The following DHX29 variants were observed in gnomAD, a reference collection of about 807,000 sequenced individuals.
DHX29 encodes ATP-dependent RNA helicase DHX29.
DHX29 carries 79 observed loss-of-function variants against 167.9 expected under a neutral mutation model. The observed-to-expected ratio is 0.47, with a 90% CI of 0.39 to 0.57. DHX29 has a LOEUF of 0.57. Among genes scored for constraint, DHX29 ranks in the 20% least tolerant of loss-of-function variants. The pLI is 0.00. For missense variants in DHX29, 1,347 were observed against 1,593.4 expected, an observed-to-expected ratio of 0.85 and a Z score of 2.63; for synonymous variants, 530 against 546.0, an observed-to-expected ratio of 0.97 and a Z score of 0.41.
intron 23 of DHX29, among the ~76,000 whole-genome samples, chr5:55,266,790 AT>A (rs935506114): frequency 6.6e-6 from 1 of 150,690 alleles, no homozygotes; most frequent in Admixed American, 6.6e-5. Flanking sequence ...TAATTTTTTT[AT>A]TTTTGGTAGA....
chr5:55,262,571 T>C, intron 24 of DHX29, 59 bp downstream of exon 24: 1 of 1,569,606 alleles, frequency 6.4e-7, no homozygotes, highest in Non-Finnish European at 8.7e-7. Context: ...TCCTAACTTG[T>C]TATGAATGAC....
At chr5:55,297,779 A>T (rs1250147531) in intron 2 of DHX29, among the ~76,000 whole-genome samples, 2 of 152,202 alleles carry the variant, frequency 1.3e-5, no homozygotes, top group African/African-American at 4.8e-5. Flanking sequence ...AAAAGAATGA[A>T]CACTATACTA....
In DHX29 at chr5:55,265,144, A is replaced by G. The variant is rs373754374; in HGVS notation, c.3525+1994T>C. Among the ~76,000 whole-genome samples, 16 of 152,026 alleles carry G rather than the reference A, an allele frequency of 1.1e-4. No individual in the cohort carries two copies. In the East Asian group the frequency reaches 1.2e-3, roughly 11 times the overall value. On this transcript the variant is annotated intron_variant, in intron 23 of 26. Coordinates refer to ENST00000251636, the MANE Select transcript of DHX29 (RefSeq NM_019030.4). The stretch of plus-strand genomic sequence containing the variant: ...CTGAATTGGATTACTCTCTCAATAT[A>G]ACACCCATTTATAAGAAATACAGGA...
chr5:55,262,168 GGTT>G (rs1392690246), intron 24 of DHX29, among the ~76,000 whole-genome samples: 1 of 152,074 alleles, frequency 6.6e-6, no homozygotes, highest in African/African-American at 2.4e-5. Flanking sequence ...CAATTCAAAA[GGTT>G]GTTTTCATTG....
At chr5:55,305,543 C>G (rs956828010) in intron 1 of DHX29, among the ~76,000 whole-genome samples, 1 of 152,322 alleles carries the variant, frequency 6.6e-6, no homozygotes, top group South Asian at 2.1e-4. Flanking sequence ...ACGACCAAAG[C>G]AGCATTTCTG....
At chr5:55,291,324 CAATT>C (rs989313857) in intron 6 of DHX29, among the ~76,000 whole-genome samples, 4 of 152,134 alleles carry the variant, frequency 2.6e-5, no homozygotes, top group Non-Finnish European at 4.4e-5. Context: ...GAAAAAGAGA[CAATT>C]AAGCAAGCAT....
rs751650090 is a variant in DHX29 at position 55,262,778 on chromosome 5, T to A, written c.3680A>T (p.Asn1227Ile). 1 of 1,614,082 alleles carries A rather than the reference T, an allele frequency of 6.2e-7. No individual in the cohort carries two copies. Among genetic ancestry groups the A allele is most frequent in the Non-Finnish European group, 8.5e-7 (1 of 1,179,992 alleles). The stretch of plus-strand genomic sequence containing the variant: ...CTTTGTATAGATTATCTTCCCCACA[T>A]TGTCATACAGTCCAGCCACCAGTAC... Reference protein sequence around the residue: ...KAVLVAGLYDNVGKIIYTKSV... With the variant: ...KAVLVAGLYDIVGKIIYTKSV... Residue 1227 changes from asparagine to isoleucine, a missense_variant, in exon 24 of 27, where the codon AAT (asparagine) becomes ATT (isoleucine). Coordinates refer to ENST00000251636, the MANE Select transcript of DHX29 (RefSeq NM_019030.4).
chr5:55,265,594 TAA>T (rs1746519231), intron 23 of DHX29, among the ~76,000 whole-genome samples: 1 of 151,176 alleles, frequency 6.6e-6, no homozygotes, highest in Admixed American at 6.6e-5. Context: ...AACTATAGGT[TAA>T]GAGACTTTAT....
In DHX29 at chr5:55,261,513, A is replaced by G. The variant is rs766338009; in HGVS notation, c.3829-14T>C. The G allele has an allele frequency of 5.3e-6, 8 of 1,502,098 alleles. No homozygotes were observed. The highest frequency in any genetic ancestry group is 4.2e-5 in the African/African-American group (3 of 71,366). The allele number at this position is 1,502,098 out of a possible 1,614,324, so 93.0% of individuals were successfully genotyped here. A position where few individuals can be genotyped will look rare whatever the true frequency, so the allele number is the denominator to read the frequency against. ...GGCATACCTTATCTACATGGGAAAA[A>G]GGGGGGAAAATAACTTCAAAATATA... is the stretch of plus-strand genomic sequence containing the variant. On this transcript the variant is annotated splice_polypyrimidine_tract_variant and intron_variant, in intron 24 of 26. Transcript: ENST00000251636.
chr5:55,305,538 C>T (rs1471341440), intron 1 of DHX29, among the ~76,000 whole-genome samples: 1 of 152,096 alleles, frequency 6.6e-6, no homozygotes, highest in Admixed American at 6.5e-5. Flanking sequence ...GTGTTACGAC[C>T]AAAGCAGCAT....
chr5:55,298,557 T>C (rs1263251696), intron 2 of DHX29, 34 bp downstream of exon 2: 2 of 1,283,128 alleles, frequency 1.6e-6, no homozygotes, highest in Non-Finnish European at 2.2e-6. Flanking sequence ...GGGGGAAACA[T>C]TTCTTGAAAT....
At chr5:55,285,994 C>T (rs1374656873) in intron 8 of DHX29, 133 bp from the exon 9 acceptor site, 3 of 606,832 alleles carry the variant, frequency 4.9e-6, no homozygotes, top group Non-Finnish European at 7.6e-6. Context: ...GTGGCTCATG[C>T]CTGTAATCCC....
intron 23 of DHX29, among the ~76,000 whole-genome samples, chr5:55,264,855 G>A (rs1488050553): frequency 6.6e-6 from 1 of 151,894 alleles, no homozygotes. Flanking sequence ...TGTACCTCAG[G>A]GTATTCAAAT....
At chr5:55,263,565 G>T (rs187255525) in intron 23 of DHX29, among the ~76,000 whole-genome samples, 6 of 151,920 alleles carry the variant, frequency 3.9e-5, no homozygotes, top group Admixed American at 2.6e-4. Context: ...TGGGGCTTAA[G>T]GGACTTTGAT....
intron 8 of DHX29, among the ~76,000 whole-genome samples, chr5:55,288,460 A>T (rs1452161791): frequency 3.3e-5 from 5 of 151,260 alleles, no homozygotes; most frequent in Admixed American, 6.6e-5. Context: ...CTATTATTTT[A>T]AAAAAATAAC....
At chr5:55,265,960 G>T (rs983897407) in intron 23 of DHX29, among the ~76,000 whole-genome samples, 1 of 151,586 alleles carries the variant, frequency 6.6e-6, no homozygotes, top group African/African-American at 2.4e-5. Context: ...ACATTTCAGA[G>T]TTGAGAAATG....
At chr5:55,288,396 G>A (rs1032864663) in intron 8 of DHX29, among the ~76,000 whole-genome samples, 1 of 150,386 alleles carries the variant, frequency 6.6e-6, no homozygotes, top group Non-Finnish European at 1.5e-5. Context: ...TTTACTATTA[G>A]TAAATAGTAT....
chr5:55,256,480 T>C lies in DHX29; in HGVS notation c.*8A>G. 6.3e-7 allele frequency: 1 copy of C among 1,592,478 alleles called. No homozygotes were observed. Among genetic ancestry groups the C allele is most frequent in the Non-Finnish European group, 8.5e-7 (1 of 1,172,342 alleles). ...AATTTTTAAAGCAGTTGACCATGAATTTCAGTTTCAGTTATTCTCTGTTTT... is the reference window on the plus strand; with the variant it reads ...AATTTTTAAAGCAGTTGACCATGAACTTCAGTTTCAGTTATTCTCTGTTTT... On this transcript the variant is annotated 3_prime_UTR_variant, in exon 27 of 27. Coordinates refer to ENST00000251636, the MANE Select transcript of DHX29 (RefSeq NM_019030.4).
chr5:55,299,016 G>A (rs1383735534), intron 1 of DHX29, among the ~76,000 whole-genome samples: 4 of 128,128 alleles, frequency 3.1e-5, no homozygotes, highest in Admixed American at 9.7e-5. Flanking sequence ...CGGCCTGGGC[G>A]ACAGAGCGAG....
Sources: gnomAD v4.1 joint callset for allele counts (sites outside exome capture counted in the v4.1 genomes callset) on GRCh38, gnomAD v4.1.1 for gene constraint, MANE v1.5 for transcripts, NCBI Gene and HGNC (gene_info 2026-07-23, HGNC 2026-07-21) for gene names.